Variants in ROS1 observed in about 807,000 individuals in gnomAD.
The protein encoded by ROS1 is proto-oncogene tyrosine-protein kinase ROS.
Under a neutral mutation model 273.5 loss-of-function variants are expected in ROS1, and 263 were observed. That is an observed-to-expected ratio of 0.96 (90% CI 0.87 to 1.06). ROS1 has a LOEUF of 1.06. Ranked by LOEUF, ROS1 falls within the 50% of genes least tolerant of loss-of-function variation. The probability of loss-of-function intolerance (pLI) is 0.00; values close to 1 mark genes in which losing one functional copy is unlikely to be tolerated. For synonymous variants in ROS1, 1,008 were observed against 954.1 expected, an observed-to-expected ratio of 1.06 and a Z score of -1.04; for missense variants, 2,833 against 2,751.1, an observed-to-expected ratio of 1.03 and a Z score of -0.67.
intron 43 of ROS1, among the ~76,000 whole-genome samples, chr6:117,290,363 T>A (rs1043609717): frequency 2.6e-5 from 4 of 152,242 alleles, no homozygotes; most frequent in African/African-American, 9.6e-5. Context: ...CAGCAATTAG[T>A]ACATCTTCTT....
At chr6:117,319,744 G>A in intron 37 of ROS1, 124 bp downstream of exon 37, 1 of 781,662 alleles carries the variant, frequency 1.3e-6, no homozygotes, top group Non-Finnish European at 2.1e-6. Flanking sequence ...CTATGGATAG[G>A]CTTCGACATT....
chr6:117,326,318 G>C lies in ROS1; in HGVS notation c.5445C>G (p.Asn1815Lys). Reference protein sequence around the residue: ...CSSVCTWKSKNLKGIFQFRVV... With the variant: ...CSSVCTWKSKKLKGIFQFRVV... ...CTCTGAACTGAAATATTCCTTTCAG[G>C]TTTTTGGACTTCCATGTGCAAACAC... is the stretch of plus-strand genomic sequence containing the variant. Residue 1815 changes from asparagine to lysine, a missense_variant, in exon 34 of 44, where the codon AAC (asparagine) becomes AAG (lysine). By Grantham distance (94) the Asn-to-Lys change is moderately conservative (BLOSUM62 0). Transcript: ENST00000368507. 1.9e-6 allele frequency: 3 copies of C among 1,601,996 alleles called. No individual in the cohort carries two copies. Among genetic ancestry groups the C allele is most frequent in the Non-Finnish European group, 2.6e-6 (3 of 1,175,394 alleles).
In ROS1 at chr6:117,336,021, C is replaced by T. The variant is rs1037574400; in HGVS notation, c.5230+1151G>A. Among the ~76,000 whole-genome samples, 6 of 151,982 alleles carry T rather than the reference C, an allele frequency of 3.9e-5. No individual in the cohort carries two copies. The East Asian group carries it at 1.2e-3, about 29-fold the overall frequency. The stretch of plus-strand genomic sequence containing the variant: ...ATATGATTACATATTTTTAAATGAG[C>T]ATTTGAAGTTTTTATTAGTGATGGA... On this transcript the variant is annotated intron_variant, in intron 32 of 43. Coordinates refer to ENST00000368507, the MANE Select transcript of ROS1 (RefSeq NM_001378902.1).
Position 117,344,175 on chromosome 6 carries a change from A to G in ROS1, c.4391T>C (p.Leu1464Pro). Residue 1464 changes from leucine to proline, a missense_variant, in exon 28 of 44, where the codon CTG becomes CCG. Transcript: ENST00000368507. ...ATACCATGTGAGGTTTGTCTTGGCCAGAGGTAATCTGATTGTGAGGCTAGT... is the reference window on the plus strand; with the variant it reads ...ATACCATGTGAGGTTTGTCTTGGCCGGAGGTAATCTGATTGTGAGGCTAGT... ...TNTSLTIRLPLAKTNLTWYGI... is the reference protein window; with the variant it reads ...TNTSLTIRLPPAKTNLTWYGI... The G allele has an allele frequency of 1.9e-6, 3 of 1,613,998 alleles. No individual in the cohort carries two copies. The highest frequency in any genetic ancestry group is 2.5e-6 in the Non-Finnish European group (3 of 1,179,950).
intron 5 of ROS1, among the ~76,000 whole-genome samples, chr6:117,406,733 G>C (rs1001014474): frequency 6.6e-6 from 1 of 152,160 alleles, no homozygotes; most frequent in African/African-American, 2.4e-5. Flanking sequence ...TAATAAGTAT[G>C]TGTTAATAGT....
intron 18 of ROS1, among the ~76,000 whole-genome samples, chr6:117,367,303 GAC>G (rs1780346168): frequency 7.7e-6 from 1 of 130,028 alleles, no homozygotes. Context: ...TTGAAAAAAA[GAC>G]ACACCCAAAG....
chr6:117,310,064 T>C lies in ROS1; in HGVS notation c.6416+17A>G. The stretch of plus-strand genomic sequence containing the variant: ...TGATGATTCTGTCAGCATTACTCTG[T>C]GTCCCGTTAAACTTACCATACATCA... On this transcript the variant is annotated intron_variant, in intron 41 of 43. Coordinates refer to ENST00000368507, the MANE Select transcript of ROS1 (RefSeq NM_001378902.1). 15 of 1,600,186 alleles carry C rather than the reference T, an allele frequency of 9.4e-6. No homozygotes were observed. The highest frequency in any genetic ancestry group is 1.2e-5 in the Non-Finnish European group (14 of 1,167,830).
At chr6:117,327,602 T>C (rs1443468023) in intron 33 of ROS1, among the ~76,000 whole-genome samples, 1 of 152,166 alleles carries the variant, frequency 6.6e-6, no homozygotes, top group Admixed American at 6.5e-5. Flanking sequence ...AAGATAGATA[T>C]TATCATCTCC....
intron 18 of ROS1, among the ~76,000 whole-genome samples, chr6:117,378,485 T>C (rs1781522874): frequency 6.6e-6 from 1 of 152,212 alleles, no homozygotes; most frequent in African/African-American, 2.4e-5. Context: ...ATGGATATGT[T>C]CTGTGTCTCA....
intron 27 of ROS1, among the ~76,000 whole-genome samples, chr6:117,349,946 A>G (rs1240840884): frequency 6.6e-6 from 1 of 152,030 alleles, no homozygotes; most frequent in African/African-American, 2.4e-5. Context: ...ACACATATAT[A>G]TATGCACACA....
In ROS1 at chr6:117,389,703, T is replaced by C. The variant is rs1292213271; in HGVS notation, c.1433A>G (p.Tyr478Cys). Residue 478 changes from tyrosine to cysteine, a missense_variant, in exon 13 of 44, where the codon TAC (tyrosine) becomes TGC (cysteine). Transcript: ENST00000368507. ...GAAGACTTGGGCAGTGTCATTGAAG[T>C]AAATGATTCGCTTGGCTTGTGGCTT... ...AIKPQAKRIIYFNDTAQVFMS... is the reference protein window; with the variant it reads ...AIKPQAKRIICFNDTAQVFMS... The C allele has an allele frequency of 6.2e-7, 1 of 1,614,164 alleles. No homozygotes were observed. The highest frequency in any genetic ancestry group is 8.5e-7 in the Non-Finnish European group (1 of 1,180,042).
intron 18 of ROS1, among the ~76,000 whole-genome samples, chr6:117,377,056 T>C (rs1232210314): frequency 6.6e-6 from 1 of 152,170 alleles, no homozygotes; most frequent in East Asian, 1.9e-4. Flanking sequence ...TAGACAAATA[T>C]ATCAAAGGAA....
At chr6:117,340,541 C>A (rs1450780154) in intron 31 of ROS1, among the ~76,000 whole-genome samples, 1 of 152,066 alleles carries the variant, frequency 6.6e-6, no homozygotes, top group East Asian at 1.9e-4. Flanking sequence ...TTGAGTTTAT[C>A]ACCATAAAAG....
At chr6:117,377,747 C>T (rs1236394694) in intron 18 of ROS1, among the ~76,000 whole-genome samples, 1 of 151,562 alleles carries the variant, frequency 6.6e-6, no homozygotes, top group Non-Finnish European at 1.5e-5. Context: ...AGCACACCAC[C>T]AAGAAAATAA....
chr6:117,309,889 G>C (rs1243648925), intron 41 of ROS1, among the ~76,000 whole-genome samples, 192 bp downstream of exon 41: 1 of 151,954 alleles, frequency 6.6e-6, no homozygotes, highest in Admixed American at 6.6e-5. Context: ...ATTCAGGGAG[G>C]AGCATAAACT....
In ROS1 at chr6:117,288,387, T is replaced by C; in HGVS notation, c.*105A>G. The C allele has an allele frequency of 1.9e-6, 2 of 1,054,766 alleles. No homozygotes were observed. The highest frequency in any genetic ancestry group is 4.8e-5 in the East Asian group (2 of 41,660). 65.3% of individuals were successfully genotyped at this position (1,054,766 alleles called of 1,614,324 possible). A position where few individuals can be genotyped will look rare whatever the true frequency, so the allele number is the denominator to read the frequency against. ...AATCAGGAACGTTGCATTGTTTATTTGGAGTTATAGACCACCATGACATTT... is the reference window on the plus strand; with the variant it reads ...AATCAGGAACGTTGCATTGTTTATTCGGAGTTATAGACCACCATGACATTT... On this transcript the variant is annotated 3_prime_UTR_variant, in exon 44 of 44. Coordinates refer to ENST00000368507, the MANE Select transcript of ROS1 (RefSeq NM_001378902.1).
chr6:117,368,621 G>A (rs1324778544), intron 18 of ROS1, among the ~76,000 whole-genome samples: 1 of 152,078 alleles, frequency 6.6e-6, no homozygotes, highest in Non-Finnish European at 1.5e-5. Flanking sequence ...AAAGTTTAAT[G>A]TTATTTAGTT....
chr6:117,288,451 G>A lies in ROS1; in HGVS notation c.*41C>T, dbSNP rs201479173. 3 of 1,481,224 alleles carry A rather than the reference G, an allele frequency of 2.0e-6. No individual in the cohort carries two copies. Among genetic ancestry groups the A allele is most frequent in the Non-Finnish European group, 2.8e-6 (3 of 1,082,760 alleles). The allele number at this position is 1,481,224 out of a possible 1,614,324, so 91.8% of individuals were successfully genotyped here. A position where few individuals can be genotyped will look rare whatever the true frequency, so the allele number is the denominator to read the frequency against. On this transcript the variant is annotated 3_prime_UTR_variant, in exon 44 of 44. Coordinates refer to ENST00000368507, the MANE Select transcript of ROS1 (RefSeq NM_001378902.1). ...AGTTTTCTTTCAGTAACTACTGAAT[G>A]AGAGTGTTTATCTCAACTCTCTATT...
At chr6:117,341,690 G>T (rs1777941702) in intron 29 of ROS1, 58 bp from the exon 30 acceptor site, 3 of 1,314,776 alleles carry the variant, frequency 2.3e-6, no homozygotes, top group Admixed American at 1.8e-5. Flanking sequence ...AAGATGGAAA[G>T]AAGTAATGGA....
Sources: allele counts gnomAD v4.1 joint callset (sites outside exome capture counted in the v4.1 genomes callset), GRCh38; gene constraint gnomAD v4.1.1; transcripts MANE v1.5; gene names NCBI Gene and HGNC (gene_info 2026-07-23, HGNC 2026-07-21).